EEIG2: variants seen among roughly 807,000 people sequenced by gnomAD.
EEIG2 encodes family with sequence similarity 102 member B.
the EEIG2 span, chr1:108,631,175 G>T: frequency 5.3e-6 from 2 of 378,598 alleles, no homozygotes; most frequent in Admixed American, 3.1e-5. Flanking sequence ...CCAATTTGTA[G>T]GTAAGGATGC....
At chr1:108,603,338 C>A in the EEIG2 span, among the ~76,000 whole-genome samples, 4 of 152,188 alleles carry the variant, frequency 2.6e-5, no homozygotes, top group Admixed American at 2.6e-4. Context: ...AAACTGAAAT[C>A]TGGGGACAAC....
At chr1:108,608,834 TC>T in the EEIG2 span, among the ~76,000 whole-genome samples, 14 of 152,212 alleles carry the variant, frequency 9.2e-5, 1 homozygote, top group African/African-American at 2.4e-5. Context: ...GGCTGGGAAG[TC>T]CAAGATCAAG....
chr1:108,619,359 A>G, the EEIG2 span, among the ~76,000 whole-genome samples: 1 of 152,230 alleles, frequency 6.6e-6, no homozygotes, highest in African/African-American at 2.4e-5. Context: ...AAATTGTTCA[A>G]ATGTCATTGA....
chr1:108,608,492 A>G, the EEIG2 span, among the ~76,000 whole-genome samples: 1 of 152,244 alleles, frequency 6.6e-6, no homozygotes, highest in East Asian at 1.9e-4. Flanking sequence ...TATATATGCC[A>G]TTTCATGAGA....
chr1:108,622,406 C>T, the EEIG2 span, among the ~76,000 whole-genome samples: 3 of 152,020 alleles, frequency 2.0e-5, no homozygotes, highest in African/African-American at 7.3e-5. Context: ...AAGGCCAAAA[C>T]TCAAGTAATT....
chr1:108,562,982 C>T, the EEIG2 span, among the ~76,000 whole-genome samples: 5 of 152,150 alleles, frequency 3.3e-5, no homozygotes, highest in Admixed American at 3.3e-4. Context: ...TAAAAAATTG[C>T]TGTATGTGCC....
the EEIG2 span, among the ~76,000 whole-genome samples, chr1:108,582,359 A>T: frequency 1.3e-5 from 2 of 152,058 alleles, no homozygotes; most frequent in Non-Finnish European, 2.9e-5. Flanking sequence ...CTTCACTGCA[A>T]TTTTTTTACA....
At chr1:108,566,931 AGAATGCTGACTATAG>A in the EEIG2 span, among the ~76,000 whole-genome samples, 3 of 152,206 alleles carry the variant, frequency 2.0e-5, no homozygotes, top group African/African-American at 7.2e-5. Flanking sequence ...TCTGTTGTAC[AGAATGCTGACTATAG>A]TTAATAATAA....
the EEIG2 span, chr1:108,616,536 T>G: frequency 5.5e-6 from 4 of 726,814 alleles, no homozygotes; most frequent in Middle Eastern, 4.0e-4. Context: ...AAATACCAGT[T>G]AAGGGATAGT....
chr1:108,593,719 A>C, the EEIG2 span, among the ~76,000 whole-genome samples: 1 of 152,204 alleles, frequency 6.6e-6, no homozygotes, highest in Non-Finnish European at 1.5e-5. Context: ...AGAGGCTAGG[A>C]CTACTAGGTG....
At chr1:108,601,943 G>A in the EEIG2 span, among the ~76,000 whole-genome samples, 1 of 152,144 alleles carries the variant, frequency 6.6e-6, no homozygotes, top group African/African-American at 2.4e-5. Flanking sequence ...CCTGCCCCCA[G>A]GGACTTTACT....
At chr1:108,625,813 TG>T in the EEIG2 span, 2,450 of 63,420 alleles carry the variant, frequency 0.039, 48 homozygotes, top group Middle Eastern at 0.061. Flanking sequence ...TGTGTGTGTG[TG>T]TGTGTGTGTG....
the EEIG2 span, among the ~76,000 whole-genome samples, chr1:108,617,331 A>T: frequency 6.6e-6 from 1 of 152,212 alleles, no homozygotes; most frequent in Non-Finnish European, 1.5e-5. Flanking sequence ...AACAGAGAGG[A>T]CAGGGACACA....
chr1:108,615,057 G>A, the EEIG2 span, among the ~76,000 whole-genome samples: 3 of 152,182 alleles, frequency 2.0e-5, no homozygotes, highest in Non-Finnish European at 4.4e-5. Flanking sequence ...GGGATGAGGA[G>A]ATAGGAATGA....
the EEIG2 span, among the ~76,000 whole-genome samples, chr1:108,574,805 T>A: frequency 1.2e-4 from 19 of 152,200 alleles, no homozygotes; most frequent in Non-Finnish European, 2.5e-4. Context: ...CACAATTTTT[T>A]AAATGAATAA....
the EEIG2 span, chr1:108,612,161 T>C: frequency 1.3e-6 from 2 of 1,559,182 alleles, no homozygotes; most frequent in African/African-American, 2.7e-5. Context: ...TTAATATAAT[T>C]CTCTTTCTTT....
At chr1:108,628,486 A>G in the EEIG2 span, 2 of 1,614,122 alleles carry the variant, frequency 1.2e-6, no homozygotes, top group Non-Finnish European at 1.7e-6. Context: ...CAGGAGTTGA[A>G]AGTATTCTAG....
chr1:108,562,329 A>G, the EEIG2 span, among the ~76,000 whole-genome samples: 1 of 152,130 alleles, frequency 6.6e-6, no homozygotes, highest in East Asian at 1.9e-4. Context: ...ACTCCGCAAG[A>G]CTTAGAAATG....
the EEIG2 span, among the ~76,000 whole-genome samples, chr1:108,623,291 T>C: frequency 6.6e-6 from 1 of 152,086 alleles, no homozygotes; most frequent in African/African-American, 2.4e-5. Context: ...CTGGACAACA[T>C]AGGGAGACCC....
Sources: allele counts gnomAD v4.1 joint callset (sites outside exome capture counted in the v4.1 genomes callset), GRCh38; gene constraint gnomAD v4.1.1; transcripts MANE v1.5; gene names NCBI Gene and HGNC (gene_info 2026-07-23, HGNC 2026-07-21).